The following MAP2 variants were observed in gnomAD, a reference collection of about 807,000 sequenced individuals.
The protein encoded by MAP2 is microtubule associated protein 2.
Under a neutral mutation model 137.6 loss-of-function variants are expected in MAP2, and 14 were observed. The ratio of observed to expected loss-of-function variants is 0.10; its 90% confidence interval spans 0.07 to 0.16. The LOEUF (loss-of-function observed/expected upper bound fraction) is 0.16, where lower values mean the gene tolerates loss of function less well. Ranked by LOEUF, MAP2 falls within the 10% of genes least tolerant of loss-of-function variation. The pLI, the probability that MAP2 is intolerant of heterozygous loss-of-function variation, is 1.00. For missense variants in MAP2, 2,088 were observed against 2,191.5 expected (o/e 0.95, Z 0.94); for synonymous variants, 786 against 782.3 (o/e 1.00, Z -0.08).
intron 1 of MAP2, among the ~76,000 whole-genome samples, chr2:209,462,062 T>C (rs1460775265): frequency 6.6e-6 from 1 of 152,186 alleles, no homozygotes; most frequent in Non-Finnish European, 1.5e-5. Context: ...AAAACTGTAT[T>C]TTAATTCCTC....
chr2:209,618,082 GA>G (rs1350304529), intron 3 of MAP2, among the ~76,000 whole-genome samples: 19 of 152,000 alleles, frequency 1.3e-4, no homozygotes, highest in Non-Finnish European at 1.5e-5. Context: ...ATAAATATAA[GA>G]AACGAGAACC....
chr2:209,441,655 T>C (rs894672411), intron 1 of MAP2, among the ~76,000 whole-genome samples: 3 of 151,594 alleles, frequency 2.0e-5, no homozygotes, highest in African/African-American at 7.3e-5. Context: ...TTTAGGGAGA[T>C]TTCCTTCTAT....
At chr2:209,671,125 G>T (rs1674490042) in intron 5 of MAP2, among the ~76,000 whole-genome samples, 1 of 151,866 alleles carries the variant, frequency 6.6e-6, no homozygotes, top group South Asian at 2.1e-4. Flanking sequence ...ATCTTTAGAA[G>T]AAATATCTGG....
At chr2:209,484,282 GT>G (rs1236772446) in intron 1 of MAP2, among the ~76,000 whole-genome samples, 1 of 152,114 alleles carries the variant, frequency 6.6e-6, no homozygotes, top group Non-Finnish European at 1.5e-5. Context: ...GTGGTCAGTG[GT>G]TTATATTTTA....
intron 1 of MAP2, among the ~76,000 whole-genome samples, chr2:209,460,683 TTTTCTC>T (rs1202114544): frequency 6.6e-6 from 1 of 151,940 alleles, no homozygotes; most frequent in African/African-American, 2.4e-5. Context: ...TTATAACAAA[TTTTCTC>T]TTTCTTCTGT....
At chr2:209,547,244 A>G (rs532827386) in intron 2 of MAP2, among the ~76,000 whole-genome samples, 154 of 152,198 alleles carry the variant, frequency 1.0e-3, no homozygotes, top group Non-Finnish European at 1.8e-3. Context: ...AGGGGCTTTG[A>G]CATGCTACTT....
chr2:209,654,746 GAAGAA>G (rs1362303546), intron 5 of MAP2, among the ~76,000 whole-genome samples: 1 of 152,170 alleles, frequency 6.6e-6, no homozygotes, highest in Non-Finnish European at 1.5e-5. Context: ...TGATTGTGAG[GAAGAA>G]AAGAGTTAGT....
intron 3 of MAP2, among the ~76,000 whole-genome samples, chr2:209,584,948 T>G (rs966658088): frequency 5.9e-5 from 9 of 152,154 alleles, no homozygotes; most frequent in African/African-American, 2.2e-4. Context: ...CTTTTATTTT[T>G]ATTGTATCTC....
chr2:209,667,377 A>G (rs1023123442), intron 5 of MAP2, among the ~76,000 whole-genome samples: 1 of 151,972 alleles, frequency 6.6e-6, no homozygotes, highest in Admixed American at 6.6e-5. Flanking sequence ...ATATTTTTGG[A>G]AGGGGTGGTC....
At chr2:209,723,725 C>T (rs751272772) in intron 13 of MAP2, 10 of 1,427,196 alleles carry the variant, frequency 7.0e-6, no homozygotes, top group Middle Eastern at 1.8e-4. Flanking sequence ...GTCCTGATTG[C>T]GTGGAGCCAC....
intron 7 of MAP2, chr2:209,690,931 A>AT: frequency 8.7e-7 from 1 of 1,153,268 alleles, no homozygotes; most frequent in South Asian, 1.6e-5. Flanking sequence ...TTCCAACGCT[A>AT]TTTCGCTATT....
chr2:209,508,998 T>C (rs766288928), intron 2 of MAP2, among the ~76,000 whole-genome samples: 18 of 152,138 alleles, frequency 1.2e-4, no homozygotes, highest in Admixed American at 7.9e-4. Flanking sequence ...ATGAGATTTT[T>C]GTAAAGTATA....
In MAP2 at chr2:209,703,406, G is replaced by A. The variant is rs542710864; in HGVS notation, c.4585-2174G>A. Among the ~76,000 whole-genome samples, 8 of 152,074 alleles carry A rather than the reference G, an allele frequency of 5.3e-5. No homozygotes were observed. In the South Asian group the frequency reaches 6.2e-4, roughly 12 times the overall value. ...TATGGATTATATGTACACCTTAAAG[G>A]CTGTGTTTATTAAAGGAATAATTCC... On this transcript the variant is annotated intron_variant, in intron 11 of 15. Transcript: ENST00000682079.
intron 1 of MAP2, among the ~76,000 whole-genome samples, chr2:209,447,789 C>T (rs561736803): frequency 6.6e-6 from 1 of 152,128 alleles, no homozygotes; most frequent in East Asian, 1.9e-4. Flanking sequence ...GTCCTAGTTA[C>T]TCAGAGAATA....
At chr2:209,537,043 G>A (rs2066065715) in intron 2 of MAP2, among the ~76,000 whole-genome samples, 1 of 151,954 alleles carries the variant, frequency 6.6e-6, no homozygotes, top group South Asian at 2.1e-4. Flanking sequence ...GTTGTGCTTT[G>A]CTTTATTGTT....
At chr2:209,541,882 A>G (rs958513649) in intron 2 of MAP2, among the ~76,000 whole-genome samples, 3 of 152,218 alleles carry the variant, frequency 2.0e-5, no homozygotes, top group Admixed American at 1.3e-4. Flanking sequence ...GAGAGTTGGA[A>G]TTAAGTTAAT....
chr2:209,625,810 G>T (rs2092211387), intron 4 of MAP2, among the ~76,000 whole-genome samples: 1 of 152,100 alleles, frequency 6.6e-6, no homozygotes, highest in Admixed American at 6.6e-5. Flanking sequence ...GTTTGCATTT[G>T]TTCCTCACAA....
At chr2:209,478,043 C>T (rs7593377) in intron 1 of MAP2, among the ~76,000 whole-genome samples, 81,269 of 151,902 alleles carry the variant, frequency 0.54, 22,582 homozygotes, top group Middle Eastern at 0.63. Flanking sequence ...TGGTAGATTA[C>T]TCTTATTCTA....
chr2:209,547,562 GA>G (rs1473726753), intron 2 of MAP2, among the ~76,000 whole-genome samples: 2 of 152,106 alleles, frequency 1.3e-5, no homozygotes, highest in African/African-American at 4.8e-5. Context: ...CTGTATTGAT[GA>G]ATATCAATAT....
Sources: gnomAD v4.1 joint callset for allele counts (sites outside exome capture counted in the v4.1 genomes callset) on GRCh38, gnomAD v4.1.1 for gene constraint, MANE v1.5 for transcripts, NCBI Gene and HGNC (gene_info 2026-07-23, HGNC 2026-07-21) for gene names.